AKAP19: variants seen among roughly 807,000 people sequenced by gnomAD.
AKAP19 encodes small A-kinase anchoring protein.
the AKAP19 span, among the ~76,000 whole-genome samples, chr2:190,175,439 C>T: frequency 9.2e-5 from 14 of 152,270 alleles, no homozygotes; most frequent in South Asian, 1.9e-3. Flanking sequence ...ATACATTACA[C>T]GGTCAGGAGA....
the AKAP19 span, among the ~76,000 whole-genome samples, chr2:189,894,549 C>G: frequency 6.6e-6 from 1 of 151,942 alleles, no homozygotes; most frequent in South Asian, 2.1e-4. Flanking sequence ...TTTTTCTTCT[C>G]GGATCACCTC....
At chr2:190,189,135 C>T in the AKAP19 span, among the ~76,000 whole-genome samples, 1 of 152,014 alleles carries the variant, frequency 6.6e-6, no homozygotes, top group African/African-American at 2.4e-5. Context: ...GCTGATAGCC[C>T]AGAGATCAGG....
the AKAP19 span, among the ~76,000 whole-genome samples, chr2:190,023,440 A>T: frequency 6.6e-6 from 1 of 152,078 alleles, no homozygotes; most frequent in Admixed American, 6.6e-5. Flanking sequence ...ATGGTGTAAA[A>T]CAAAATTTAC....
chr2:190,152,885 C>T, the AKAP19 span, among the ~76,000 whole-genome samples: 9 of 147,060 alleles, frequency 6.1e-5, no homozygotes, highest in South Asian at 6.4e-4. Context: ...GTGGGATTTA[C>T]TCGCCCATTC....
the AKAP19 span, among the ~76,000 whole-genome samples, chr2:189,987,390 CT>C: frequency 6.6e-6 from 1 of 152,190 alleles, no homozygotes; most frequent in African/African-American, 2.4e-5. Flanking sequence ...TCTTTATCAA[CT>C]GCATGAAAAT....
chr2:190,154,173 G>T, the AKAP19 span, among the ~76,000 whole-genome samples: 44 of 152,234 alleles, frequency 2.9e-4, no homozygotes, highest in Admixed American at 7.2e-4. Context: ...TGACCCCTGT[G>T]GAATTTCTGA....
the AKAP19 span, among the ~76,000 whole-genome samples, chr2:190,161,213 G>C: frequency 1.4e-4 from 21 of 152,194 alleles, no homozygotes; most frequent in African/African-American, 3.9e-4. Flanking sequence ...CTCATGCTAG[G>C]AAATTCTTGC....
chr2:190,173,267 T>G, the AKAP19 span, among the ~76,000 whole-genome samples: 20 of 152,212 alleles, frequency 1.3e-4, no homozygotes, highest in Admixed American at 6.5e-5. Context: ...AAGTGAAATA[T>G]CACAAACCAT....
chr2:190,199,966 C>T, the AKAP19 span: 3 of 1,614,056 alleles, frequency 1.9e-6, no homozygotes, highest in Admixed American at 3.3e-5. Context: ...GAGATGTCTA[C>T]CTAGGATGGC....
chr2:190,061,000 AC>A, the AKAP19 span, among the ~76,000 whole-genome samples: 2 of 152,106 alleles, frequency 1.3e-5, no homozygotes, highest in Non-Finnish European at 2.9e-5. Context: ...GATAATTAAC[AC>A]AAAAATTTTG....
the AKAP19 span, among the ~76,000 whole-genome samples, chr2:189,885,893 C>T: frequency 2.4e-4 from 37 of 152,216 alleles, no homozygotes; most frequent in African/African-American, 8.7e-4. Context: ...ACTGCAACCT[C>T]CACCTCCCGG....
At chr2:190,102,050 C>T in the AKAP19 span, among the ~76,000 whole-genome samples, 2 of 152,122 alleles carry the variant, frequency 1.3e-5, no homozygotes, top group Non-Finnish European at 2.9e-5. Context: ...AAGAAGATCT[C>T]TCAAAGCACA....
chr2:190,057,638 T>C, the AKAP19 span: 1 of 1,613,074 alleles, frequency 6.2e-7, no homozygotes, highest in Non-Finnish European at 8.5e-7. Context: ...AAAAACGGAT[T>C]CTGTTTGAAA....
the AKAP19 span, among the ~76,000 whole-genome samples, chr2:190,137,483 A>T: frequency 6.6e-6 from 1 of 152,210 alleles, no homozygotes; most frequent in Middle Eastern, 3.2e-3. Context: ...AGAACAAATG[A>T]AATATGTAGC....
chr2:190,058,118 C>G, the AKAP19 span, among the ~76,000 whole-genome samples: 62 of 152,130 alleles, frequency 4.1e-4, no homozygotes, highest in African/African-American at 1.4e-3. Flanking sequence ...CTCAGGAAAA[C>G]TTGGACAATA....
At chr2:190,127,208 T>A in the AKAP19 span, among the ~76,000 whole-genome samples, 75 of 130,906 alleles carry the variant, frequency 5.7e-4, no homozygotes, top group African/African-American at 1.7e-3. Context: ...AAAAAAAAAA[T>A]AAGACATCTG....
At chr2:190,046,090 C>T in the AKAP19 span, among the ~76,000 whole-genome samples, 3 of 152,202 alleles carry the variant, frequency 2.0e-5, no homozygotes, top group Non-Finnish European at 2.9e-5. Flanking sequence ...TCCTGTCTTG[C>T]TTTTCTTCAT....
chr2:189,899,955 G>C, the AKAP19 span, among the ~76,000 whole-genome samples: 1 of 151,924 alleles, frequency 6.6e-6, no homozygotes, highest in Non-Finnish European at 1.5e-5. Flanking sequence ...TTTTGTTTCT[G>C]TGCACATATA....
At chr2:190,089,894 C>T in the AKAP19 span, among the ~76,000 whole-genome samples, 4 of 152,156 alleles carry the variant, frequency 2.6e-5, no homozygotes, top group Non-Finnish European at 5.9e-5. Flanking sequence ...CCACAAATTC[C>T]ATATACTATG....
Sources: gnomAD v4.1 joint callset for allele counts (sites outside exome capture counted in the v4.1 genomes callset) on GRCh38, gnomAD v4.1.1 for gene constraint, MANE v1.5 for transcripts, NCBI Gene and HGNC (gene_info 2026-07-23, HGNC 2026-07-21) for gene names.